The following GABRG3 variants were observed in gnomAD, a reference collection of about 807,000 sequenced individuals.
GABRG3 encodes gamma-aminobutyric acid receptor subunit gamma-3.
In GABRG3, 25 loss-of-function variants were observed where a neutral mutation model predicts 48.8. The ratio of observed to expected loss-of-function variants is 0.51; its 90% CI spans 0.37 to 0.72. The LOEUF is 0.72. GABRG3 is among the 30% of genes least tolerant of loss of function. The pLI is 0.00. For missense variants in GABRG3, 394 were observed against 577.9 expected (o/e 0.68, Z 3.26); for synonymous variants, 227 against 217.6 (o/e 1.04, Z -0.38).
intron 3 of GABRG3, among the ~76,000 whole-genome samples, chr15:27,056,598 G>A (rs542230835): frequency 5.3e-4 from 81 of 152,116 alleles, no homozygotes; most frequent in African/African-American, 1.8e-3. Flanking sequence ...TGTGGAGAGC[G>A]TTTGTGAGAA....
At chr15:27,011,573 C>T (rs1461296981) in intron 2 of GABRG3, among the ~76,000 whole-genome samples, 1 of 152,164 alleles carries the variant, frequency 6.6e-6, no homozygotes, top group Non-Finnish European at 1.5e-5. Flanking sequence ...CTAGGCTGGG[C>T]GCGGTGGCTC....
Position 27,319,692 on chromosome 15 carries a change from C to G in GABRG3, c.271-7117C>G, listed in dbSNP as rs553161247. Reference sequence around the variant, plus strand: ...AAATGGGATGGGGAGGAAGGGAGGTCTGTGCCGGGATGTTGTACCAATGCG... The same window carrying G: ...AAATGGGATGGGGAGGAAGGGAGGTGTGTGCCGGGATGTTGTACCAATGCG... On this transcript the variant is annotated intron_variant, in intron 3 of 9. Transcript: ENST00000615808. This position sits in a 1 kb window ranked among gnomAD's most constrained non-coding sequence, Gnocchi z 4.4. 6.6e-6 allele frequency among the ~76,000 whole-genome samples: 1 copy of G among 152,170 alleles called. No homozygotes were observed. Among genetic ancestry groups the G allele is most frequent in the East Asian group, 1.9e-4 (1 of 5,156 alleles).
chr15:27,380,741 G>A (rs1299990749), intron 5 of GABRG3, among the ~76,000 whole-genome samples: 2 of 146,588 alleles, frequency 1.4e-5, no homozygotes, highest in South Asian at 2.2e-4. Flanking sequence ...CAGGGGCTAC[G>A]GGGGGAGAAG....
intron 3 of GABRG3, among the ~76,000 whole-genome samples, chr15:27,310,892 T>C (rs2140506763): frequency 6.6e-6 from 1 of 152,248 alleles, no homozygotes; most frequent in East Asian, 1.9e-4. Flanking sequence ...TGTGAATGAA[T>C]AGTGTTGGAG....
At chr15:27,025,841 A>T (rs527445331) in intron 2 of GABRG3, among the ~76,000 whole-genome samples, 3 of 152,192 alleles carry the variant, frequency 2.0e-5, no homozygotes, top group Non-Finnish European at 4.4e-5. Context: ...TCTTGTTCAT[A>T]TTCCTCCTGG....
At chr15:27,132,507 T>A (rs1897937635) in intron 3 of GABRG3, among the ~76,000 whole-genome samples, 1 of 135,922 alleles carries the variant, frequency 7.4e-6, no homozygotes, top group African/African-American at 2.7e-5. Flanking sequence ...TTTTGTGGCT[T>A]ATTTTCTTTT....
intron 5 of GABRG3, among the ~76,000 whole-genome samples, 192 bp downstream of exon 5, chr15:27,329,080 T>C (rs1032011613): frequency 1.3e-5 from 2 of 152,152 alleles, no homozygotes; most frequent in Non-Finnish European, 2.9e-5. Context: ...TGTTACAAAA[T>C]AGGTGATCTC....
At position 27,365,143 on chromosome 15, in the gene GABRG3, T is replaced by C. The variant is rs151213126; in HGVS notation, c.574+36255T>C. 121 of 152,304 alleles carry C rather than the reference T, an allele frequency of 7.9e-4. 1 individual carries two copies. Among genetic ancestry groups the C allele is most frequent in the Middle Eastern group, 6.8e-3 (2 of 294 alleles). 9.4% of individuals were successfully genotyped at this position (152,304 alleles called of 1,614,324 possible). A position where few individuals can be genotyped will look rare whatever the true frequency, so the allele number is the denominator to read the frequency against. ...GGTACCTCTTTACCCCTAAATTCTTTAGCATATATTTCCCAAAGCCAGAAA... is the reference window on the plus strand; with the variant it reads ...GGTACCTCTTTACCCCTAAATTCTTCAGCATATATTTCCCAAAGCCAGAAA... On this transcript the variant is annotated intron_variant, in intron 5 of 9. Coordinates refer to ENST00000615808, the MANE Select transcript of GABRG3 (RefSeq NM_033223.5).
At chr15:27,225,028 C>T (rs1889567557) in intron 3 of GABRG3, among the ~76,000 whole-genome samples, 1 of 152,112 alleles carries the variant, frequency 6.6e-6, no homozygotes, top group Admixed American at 6.5e-5. Context: ...AAGCTCCCAC[C>T]TCATTCTGTT....
chr15:27,316,975 A>C (rs760195227), intron 3 of GABRG3, among the ~76,000 whole-genome samples: 7 of 152,232 alleles, frequency 4.6e-5, no homozygotes, highest in African/African-American at 7.2e-5. Context: ...TTGTTTATAC[A>C]GAAAAACCTT....
intron 3 of GABRG3, among the ~76,000 whole-genome samples, chr15:27,229,980 T>G (rs1031625394): frequency 6.6e-6 from 1 of 152,218 alleles, no homozygotes; most frequent in African/African-American, 2.4e-5. Context: ...ATCTGTAAAT[T>G]TCTTTGGACA....
At chr15:27,076,187 C>A (rs1896906691) in intron 3 of GABRG3, among the ~76,000 whole-genome samples, 1 of 152,122 alleles carries the variant, frequency 6.6e-6, no homozygotes, top group Non-Finnish European at 1.5e-5. Context: ...CTTGACAGGT[C>A]TAGACCTTCT....
rs972408993 is a variant in GABRG3 at position 27,527,938 on chromosome 15, A to G, written c.1068A>G (p.Leu356=). The G allele has an allele frequency of 2.5e-6, 4 of 1,583,958 alleles. No individual in the cohort carries two copies. The highest frequency in any genetic ancestry group is 1.3e-5 in the African/African-American group (1 of 74,432). Reference sequence around the variant, plus strand: ...TTTTTCTTCTTTTCTTGTAGTTACTACATCCAGATTCCTCAAGATGGATTC... The same window carrying G: ...TTTTTCTTCTTTTCTTGTAGTTACTGCATCCAGATTCCTCAAGATGGATTC... ...PTTTKKTTSL[L]HPDSSRWIPE... The change falls in exon 9 of 10, where the codon CTA becomes CTG. Residue 356 remains leucine, a synonymous_variant. Transcript: ENST00000615808.
intron 2 of GABRG3, among the ~76,000 whole-genome samples, chr15:26,984,948 T>G (rs1356826744): frequency 6.6e-6 from 1 of 152,244 alleles, no homozygotes; most frequent in Non-Finnish European, 1.5e-5. Context: ...GCAAAACATC[T>G]GAATCATCTT....
chr15:27,133,744 G>A lies in GABRG3; in HGVS notation c.270+106923G>A, dbSNP rs140627703. On this transcript the variant is annotated intron_variant, in intron 3 of 9. Transcript: ENST00000615808. Reference sequence around the variant, plus strand: ...GTTAATTGAATTTGTCATGTGCAAAGATGAAGAGCAAATTGTTACAAACTG... The same window carrying A: ...GTTAATTGAATTTGTCATGTGCAAAAATGAAGAGCAAATTGTTACAAACTG... Among the ~76,000 whole-genome samples the A allele has an allele frequency of 1.9e-3, 291 of 152,324 alleles. 4 individuals are homozygous for A. Among genetic ancestry groups the A allele is most frequent in the African/African-American group, 6.8e-3 (281 of 41,584 alleles).
intron 5 of GABRG3, among the ~76,000 whole-genome samples, chr15:27,435,222 A>C (rs1267455496): frequency 6.7e-6 from 1 of 149,576 alleles, no homozygotes; most frequent in Non-Finnish European, 1.5e-5. Context: ...TATAAATTAT[A>C]TTATACTATT....
intron 2 of GABRG3, among the ~76,000 whole-genome samples, chr15:27,020,666 C>G (rs993246556): frequency 6.6e-6 from 1 of 152,164 alleles, no homozygotes; most frequent in Non-Finnish European, 1.5e-5. Context: ...ATCCGCCCCC[C>G]TCTGCCTCCC....
intron 3 of GABRG3, among the ~76,000 whole-genome samples, chr15:27,264,516 T>C (rs1014043448): frequency 2.0e-4 from 30 of 151,554 alleles, no homozygotes; most frequent in African/African-American, 7.0e-4. Flanking sequence ...AAACAAAGTA[T>C]CCTAACACAA....
intron 3 of GABRG3, among the ~76,000 whole-genome samples, chr15:27,210,833 C>T (rs922840629): frequency 6.6e-6 from 1 of 152,192 alleles, no homozygotes; most frequent in African/African-American, 2.4e-5. Context: ...GAGCATTTTG[C>T]TTGACAAGAG....
Sources: gnomAD v4.1 joint callset for allele counts (sites outside exome capture counted in the v4.1 genomes callset) on GRCh38, gnomAD v4.1.1 for gene constraint, Gnocchi (gnomAD v3.1) non-coding constraint, MANE v1.5 for transcripts, NCBI Gene and HGNC (gene_info 2026-07-23, HGNC 2026-07-21) for gene names.